The following TRAPPC9 variants were observed in gnomAD, a reference collection of about 807,000 sequenced individuals.
The protein encoded by TRAPPC9 is IKK2 binding protein.
Under a neutral mutation model 124.0 loss-of-function variants are expected in TRAPPC9, and 83 were observed. That is an observed-to-expected ratio of 0.67 (90% CI 0.56 to 0.80). The LOEUF (loss-of-function observed/expected upper bound fraction) is 0.80. Among genes scored for constraint, TRAPPC9 ranks in the 30% least tolerant of loss-of-function variants. The probability of loss-of-function intolerance (pLI) is 0.00; values close to 1 mark genes in which losing one functional copy is unlikely to be tolerated. For missense variants in TRAPPC9, 1,302 were observed against 1,508.3 expected (o/e 0.86, Z 2.27); for synonymous variants, 638 against 617.5 (o/e 1.03, Z -0.49).
At chr8:139,910,409 G>T in intron 19 of TRAPPC9, 109 bp from the exon 20 acceptor site, 1 of 1,135,320 alleles carries the variant, frequency 8.8e-7, no homozygotes. Flanking sequence ...AATCATTATC[G>T]TTAGTAATTC....
chr8:139,871,009 G>A lies in TRAPPC9; in HGVS notation c.3055+14870C>T, dbSNP rs531036862. Among the ~76,000 whole-genome samples, 4 of 152,296 alleles carry A rather than the reference G, an allele frequency of 2.6e-5. No individual in the cohort carries two copies. The South Asian group carries it at 8.3e-4, about 32-fold the overall frequency. On this transcript the variant is annotated intron_variant, in intron 21 of 22. Transcript: ENST00000438773. ...TCTTCGCTCCCACACTTACTCGCTG[G>A]TGGTCATGAAATCAGCTTTATGATT...
At chr8:140,333,478 C>T (rs11992184) in intron 9 of TRAPPC9, among the ~76,000 whole-genome samples, 12,744 of 152,194 alleles carry the variant, frequency 0.084, 647 homozygotes, top group African/African-American at 0.14. Flanking sequence ...TTGCAACCTC[C>T]GCCTCCCAGA....
chr8:140,042,740 G>C (rs576131795), intron 17 of TRAPPC9, among the ~76,000 whole-genome samples: 2 of 152,180 alleles, frequency 1.3e-5, no homozygotes, highest in African/African-American at 4.8e-5. Flanking sequence ...TCCCAGCACC[G>C]GGCTGCTCCT....
chr8:140,021,336 A>T (rs909817438), intron 18 of TRAPPC9, among the ~76,000 whole-genome samples: 1 of 152,240 alleles, frequency 6.6e-6, no homozygotes, highest in African/African-American at 2.4e-5. Context: ...AAAAAATATT[A>T]TAACAATTTG....
chr8:140,008,456 G>A (rs988833815), intron 18 of TRAPPC9: 4 of 152,338 alleles, frequency 2.6e-5, no homozygotes, highest in African/African-American at 7.2e-5. Flanking sequence ...ACGAAGAGGG[G>A]AGCCCCTTAC....
intron 7 of TRAPPC9, among the ~76,000 whole-genome samples, chr8:140,379,086 T>C (rs1306379749): frequency 6.6e-6 from 1 of 152,170 alleles, no homozygotes; most frequent in Non-Finnish European, 1.5e-5. Context: ...TTTCTTTCTT[T>C]TTAACTATTA....
At chr8:139,824,050 G>T (rs797011680) in intron 21 of TRAPPC9, among the ~76,000 whole-genome samples, 15 of 152,314 alleles carry the variant, frequency 9.8e-5, no homozygotes, top group African/African-American at 3.4e-4. Flanking sequence ...GCTCTCACGT[G>T]TATCAGTTCA....
chr8:140,169,813 C>G (rs950981131), intron 17 of TRAPPC9, among the ~76,000 whole-genome samples: 7 of 152,142 alleles, frequency 4.6e-5, no homozygotes, highest in Admixed American at 4.6e-4. Context: ...TCGGTTGAAG[C>G]TGTACCCTCA....
chr8:139,915,274 T>A (rs1430418660), intron 19 of TRAPPC9, among the ~76,000 whole-genome samples: 1 of 152,128 alleles, frequency 6.6e-6, no homozygotes, highest in Non-Finnish European at 1.5e-5. Flanking sequence ...TGAGACACAG[T>A]CTTGCTCTGT....
chr8:140,232,736 A>T (rs549639670), intron 16 of TRAPPC9, among the ~76,000 whole-genome samples: 1 of 152,344 alleles, frequency 6.6e-6, no homozygotes, highest in South Asian at 2.1e-4. Flanking sequence ...TTCTACTTGA[A>T]GAGAAACACA....
At chr8:140,071,739 T>C (rs1044026992) in intron 17 of TRAPPC9, among the ~76,000 whole-genome samples, 1 of 152,154 alleles carries the variant, frequency 6.6e-6, no homozygotes, top group African/African-American at 2.4e-5. Flanking sequence ...AATGGGCCTC[T>C]CTGGACAAGC....
At chr8:139,929,093 T>C (rs1330792208) in intron 19 of TRAPPC9, among the ~76,000 whole-genome samples, 1 of 152,166 alleles carries the variant, frequency 6.6e-6, no homozygotes, top group African/African-American at 2.4e-5. Context: ...AAATCGGGAA[T>C]TATTTTTAGT....
chr8:139,846,220 C>T (rs950147622), intron 21 of TRAPPC9, among the ~76,000 whole-genome samples: 1 of 152,224 alleles, frequency 6.6e-6, no homozygotes, highest in South Asian at 2.1e-4. Flanking sequence ...AGAACAGATG[C>T]CGGCCTGCGC....
intron 18 of TRAPPC9, among the ~76,000 whole-genome samples, chr8:140,011,850 G>A (rs1839158487): frequency 1.3e-5 from 2 of 151,790 alleles, no homozygotes; most frequent in South Asian, 4.2e-4. Context: ...GCTAATTTTT[G>A]TATTTTTTGT....
Position 139,732,074 on chromosome 8 carries a change from C to T in TRAPPC9, c.3184G>A (p.Val1062Met). Residue 1062 changes from valine to methionine, a missense_variant, in exon 22 of 23, where the codon GTG becomes ATG. This residue lies in a region of TRAPPC9 where 640 missense variants were observed against 679.3 expected (regional missense o/e 0.94). Transcript: ENST00000438773. The stretch of plus-strand genomic sequence containing the variant: ...TTCTGGTGGTCCTGGAAGGGGACCA[C>T]AGTGAGGGCGAAGGGCCCTACGCTG... ...PRSVGPFALT[V>M]VPFQDHQNGV... is the part of the protein sequence containing the mutation. 6.2e-7 allele frequency: 1 copy of T among 1,605,814 alleles called. No individual in the cohort carries two copies. The highest frequency in any genetic ancestry group is 8.5e-7 in the Non-Finnish European group (1 of 1,176,354).
intron 17 of TRAPPC9, chr8:140,215,952 A>T (rs1372929069): frequency 2.0e-5 from 3 of 152,250 alleles, no homozygotes; most frequent in Non-Finnish European, 4.4e-5. Flanking sequence ...CAGCAATGAG[A>T]CAGAGAACCG....
intron 21 of TRAPPC9, among the ~76,000 whole-genome samples, chr8:139,737,463 C>CCTT (rs1818260679): frequency 8.3e-5 from 6 of 72,620 alleles, no homozygotes; most frequent in South Asian, 5.8e-4. Flanking sequence ...GGGTCATCAG[C>CCTT]CCTCCCCCCC....
chr8:140,104,946 G>A lies in TRAPPC9; in HGVS notation c.2557-80867C>T, dbSNP rs1352634516. 1.3e-5 allele frequency among the ~76,000 whole-genome samples: 2 copies of A among 152,206 alleles called. No individual in the cohort carries two copies. Among genetic ancestry groups the A allele is most frequent in the Admixed American group, 1.3e-4 (2 of 15,286 alleles). ...CTTGCCCCCTGGGCCTGTCATCCAT[G>A]CTGCATCGTGGCAGGGTCCCACTCA... is the stretch of plus-strand genomic sequence containing the variant. On this transcript the variant is annotated intron_variant, in intron 17 of 22. Coordinates refer to ENST00000438773, the MANE Select transcript of TRAPPC9 (RefSeq NM_001160372.4). The surrounding 1 kb of genome is among the most constrained non-coding windows in gnomAD (Gnocchi z 4.0).
chr8:139,883,423 G>T (rs1480446596), intron 21 of TRAPPC9, among the ~76,000 whole-genome samples: 1 of 152,240 alleles, frequency 6.6e-6, no homozygotes, highest in Admixed American at 6.5e-5. Context: ...AATGGAAGCA[G>T]CATGTAACAC....
Sources: gnomAD v4.1 joint callset for allele counts (sites outside exome capture counted in the v4.1 genomes callset) on GRCh38, gnomAD v4.1.1 for gene constraint, gnomAD v4.1.1 regional missense constraint, Gnocchi (gnomAD v3.1) non-coding constraint, MANE v1.5 for transcripts, NCBI Gene and HGNC (gene_info 2026-07-23, HGNC 2026-07-21) for gene names.